RGS4: variants seen among roughly 807,000 people sequenced by gnomAD.
The protein encoded by RGS4 is schizophrenia disorder 9.
In RGS4, 15 loss-of-function variants were observed where a neutral mutation model predicts 21.6. That is an observed-to-expected ratio of 0.69 (90% CI 0.46 to 1.07). The LOEUF is 1.07. Among genes scored for constraint, RGS4 ranks in the 50% least tolerant of loss-of-function variants. RGS4 has a pLI of 0.00. For synonymous variants in RGS4, 94 were observed against 85.5 expected, an observed-to-expected ratio of 1.10 and a Z score of -0.55; for missense variants, 237 against 239.0, an observed-to-expected ratio of 0.99 and a Z score of 0.06.
chr1:163,073,691 A>C, intron 4 of RGS4, 69 bp downstream of exon 4: 1 of 989,946 alleles, frequency 1.0e-6, no homozygotes, highest in Non-Finnish European at 1.5e-6. Context: ...TGATACATGC[A>C]TACAATGTGA....
rs1655434187 is a variant in RGS4 at position 163,074,542 on chromosome 1, G to A, written c.600G>A (p.Leu200=). 6.2e-7 allele frequency: 1 copy of A among 1,613,764 alleles called. No homozygotes were observed. Among genetic ancestry groups the A allele is most frequent in the Admixed American group, 1.7e-5 (1 of 59,922 alleles). The change falls in exon 5 of 5, where the codon CTG becomes CTA. Residue 200 remains leucine, a synonymous_variant. Coordinates refer to ENST00000367909, the MANE Select transcript of RGS4 (RefSeq NM_005613.6). ...GAKSSADCAS[L]VPQCA is the part of the protein sequence containing the mutation. The stretch of plus-strand genomic sequence containing the variant: ...AGAGTTCAGCAGACTGTGCTTCCCT[G>A]GTCCCTCAGTGTGCCTAATTCTCAC...
At chr1:163,069,173 C>T, upstream of RGS4, 5 of 1,500,980 alleles carry the variant, frequency 3.3e-6, no homozygotes, top group South Asian at 6.7e-5. Context: ...TCCCATATCC[C>T]TACTTTTCAG....
Position 163,072,421 on chromosome 1 carries a change from G to A in RGS4, c.71G>A (p.Gly24Asp), listed in dbSNP as rs1353350910. The A allele has an allele frequency of 6.2e-7, 1 of 1,613,058 alleles. No individual in the cohort carries two copies. Among genetic ancestry groups the A allele is most frequent in the South Asian group, 1.1e-5 (1 of 91,062 alleles). Residue 24 changes from glycine to aspartate, a missense_variant, in exon 2 of 5, where the codon GGT (glycine) becomes GAT (aspartate). Gly to Asp is a moderately conservative substitution (Grantham distance 94). Coordinates refer to ENST00000367909, the MANE Select transcript of RGS4 (RefSeq NM_005613.6). The stretch of plus-strand genomic sequence containing the variant: ...GCAAAAGATATGAAACATCGGCTAG[G>A]TTTCCTGCTGCAAAAATCTGATTCC... The part of the protein sequence containing the change: ...RSAKDMKHRL[G>D]FLLQKSDSCE...
rs990630119 is a variant in RGS4, at chr1:163,074,441, C to T, written c.499C>T (p.Arg167Cys). The change falls in exon 5 of 5, where the codon CGC (arginine) becomes TGC (cysteine). Residue 167 changes from arginine to cysteine, a missense_variant. Arg to Cys is a radical substitution (Grantham distance 180, BLOSUM62 -3). Transcript: ENST00000367909. ...CCTGATGGAGAAGGATTCCTACCGCCGCTTCCTCAAGTCTCGATTCTATCT... is the reference window on the plus strand; with the variant it reads ...CCTGATGGAGAAGGATTCCTACCGCTGCTTCCTCAAGTCTCGATTCTATCT... ...FNLMEKDSYRRFLKSRFYLDL... is the reference protein window; with the variant it reads ...FNLMEKDSYRCFLKSRFYLDL... 7.4e-6 allele frequency: 12 copies of T among 1,613,794 alleles called. No individual in the cohort carries two copies. Among genetic ancestry groups the T allele is most frequent in the Middle Eastern group, 1.6e-4 (1 of 6,084 alleles).
At chr1:163,070,995 T>C (rs1655280857) in intron 1 of RGS4, among the ~76,000 whole-genome samples, 1 of 152,134 alleles carries the variant, frequency 6.6e-6, no homozygotes, top group African/African-American at 2.4e-5. Flanking sequence ...ATTTTGTTTT[T>C]TATTTTTATG....
chr1:163,071,509 T>C (rs1655298776), intron 1 of RGS4, among the ~76,000 whole-genome samples: 1 of 151,932 alleles, frequency 6.6e-6, no homozygotes, highest in South Asian at 2.1e-4. Flanking sequence ...AGTAAGAGAG[T>C]TGAGCTTAAG....
At chr1:163,070,384 T>G (rs1655261274) in intron 1 of RGS4, among the ~76,000 whole-genome samples, 1 of 152,102 alleles carries the variant, frequency 6.6e-6, no homozygotes, top group Non-Finnish European at 1.5e-5. Flanking sequence ...AGGTAAAAAG[T>G]CAACCTAAAG....
At chr1:163,072,104 T>C (rs1655336288) in intron 1 of RGS4, 1 of 1,096,666 alleles carries the variant, frequency 9.1e-7, no homozygotes, top group Admixed American at 4.8e-5. Context: ...ATTCGGTTGG[T>C]CAAAATGACG....
At position 163,073,494 on chromosome 1, in the gene RGS4, T is replaced by C. The variant is rs1315578836; in HGVS notation, c.250T>C (p.Tyr84His). 1 of 1,602,126 alleles carries C rather than the reference T, an allele frequency of 6.2e-7. No homozygotes were observed. The highest frequency in any genetic ancestry group is 8.5e-7 in the Non-Finnish European group (1 of 1,176,634). ...AAFKAFLKSE[Y>H]SEENIDFWIS... ...TTTCAAAGCTTTCTTGAAGTCTGAATATAGTGAGGAGAATATTGACTTCTG... is the reference window on the plus strand; with the variant it reads ...TTTCAAAGCTTTCTTGAAGTCTGAACATAGTGAGGAGAATATTGACTTCTG... Residue 84 changes from tyrosine to histidine, a missense_variant, in exon 4 of 5, where the codon TAT (tyrosine) becomes CAT (histidine). By Grantham distance (83) the Tyr-to-His change is moderately conservative. Transcript: ENST00000367909.
chr1:163,073,628 T>A lies in RGS4; in HGVS notation c.378+6T>A. 1 of 1,573,552 alleles carries A rather than the reference T, an allele frequency of 6.4e-7. No homozygotes were observed. The highest frequency in any genetic ancestry group is 8.6e-7 in the Non-Finnish European group (1 of 1,163,636). On this transcript the variant is annotated splice_donor_region_variant and intron_variant, in intron 4 of 4. Coordinates refer to ENST00000367909, the MANE Select transcript of RGS4 (RefSeq NM_005613.6). Reference sequence around the variant, plus strand: ...CAGTCCAGGCAACCAAAGAGGTAGGTTTTTTATGGATACATAAAAATTGTA... The same window carrying A: ...CAGTCCAGGCAACCAAAGAGGTAGGATTTTTATGGATACATAAAAATTGTA...
Position 163,074,555 on chromosome 1 carries a change from G to T in RGS4, c.613G>T (p.Ala205Ser). 6.2e-7 allele frequency: 1 copy of T among 1,613,896 alleles called. No individual in the cohort carries two copies. The highest frequency in any genetic ancestry group is 8.5e-7 in the Non-Finnish European group (1 of 1,179,898). Residue 205 changes from alanine to serine, a missense_variant, in exon 5 of 5, where the codon GCC (alanine) becomes TCC (serine). Ala to Ser is a moderately conservative substitution (Grantham distance 99). Coordinates refer to ENST00000367909, the MANE Select transcript of RGS4 (RefSeq NM_005613.6). ...ADCASLVPQCA is the reference protein window; with the variant it reads ...ADCASLVPQCS Reference sequence around the variant, plus strand: ...CTGTGCTTCCCTGGTCCCTCAGTGTGCCTAATTCTCACCTGAAGGCAGAGG... The same window carrying T: ...CTGTGCTTCCCTGGTCCCTCAGTGTTCCTAATTCTCACCTGAAGGCAGAGG...
intron 4 of RGS4, 176 bp from the exon 5 acceptor site, chr1:163,074,145 C>A: frequency 5.6e-6 from 4 of 719,402 alleles, no homozygotes; most frequent in Non-Finnish European, 7.0e-6. Flanking sequence ...CAGAAAGGTT[C>A]ATTCTGAACC....
In RGS4 at chr1:163,073,632, T is replaced by G. The variant is rs1421194127; in HGVS notation, c.378+10T>G. The G allele has an allele frequency of 1.3e-5, 21 of 1,564,666 alleles. No homozygotes were observed. The highest frequency in any genetic ancestry group is 1.8e-5 in the Non-Finnish European group (21 of 1,157,030). On this transcript the variant is annotated intron_variant, in intron 4 of 4. Transcript: ENST00000367909. Reference sequence around the variant, plus strand: ...CCAGGCAACCAAAGAGGTAGGTTTTTTATGGATACATAAAAATTGTACGTA... The same window carrying G: ...CCAGGCAACCAAAGAGGTAGGTTTTGTATGGATACATAAAAATTGTACGTA...
intron 1 of RGS4, chr1:163,070,863 T>G (rs1455277913): frequency 6.6e-6 from 1 of 152,144 alleles, no homozygotes; most frequent in Non-Finnish European, 1.5e-5. Flanking sequence ...AATCATCTAG[T>G]CCAACATCTT....
chr1:163,069,645 G>A (rs1030152327), intron 1 of RGS4, 117 bp downstream of exon 1: 2 of 825,852 alleles, frequency 2.4e-6, no homozygotes, highest in African/African-American at 1.7e-5. Context: ...GGTCAGGAGA[G>A]CACGACTTTC....
rs1655443090 is a variant in RGS4, at chr1:163,074,780, A to G, written c.*220A>G. 4 of 680,084 alleles carry G rather than the reference A, an allele frequency of 5.9e-6. No homozygotes were observed. Among genetic ancestry groups the G allele is most frequent in the Middle Eastern group, 3.3e-4 (1 of 3,040 alleles). The allele number at this position is 680,084 out of a possible 1,614,324, so 42.1% of individuals were successfully genotyped here. ...GACCCCATTCCAGTCCAATTTTCCT[A>G]AGTTTCTTTGAGGGTTCCATGGGAG... On this transcript the variant is annotated 3_prime_UTR_variant, in exon 5 of 5. Transcript: ENST00000367909.
At position 163,072,467 on chromosome 1, in the gene RGS4, C is replaced by T; in HGVS notation, c.117C>T (p.His39=). The T allele has an allele frequency of 6.2e-7, 1 of 1,612,980 alleles. No individual in the cohort carries two copies. Among genetic ancestry groups the T allele is most frequent in the Non-Finnish European group, 8.5e-7 (1 of 1,179,298 alleles). ...ATTCCTGTGAACACAATTCTTCCCACAACAAGAAGGACAAAGTGGTTATTT... is the reference window on the plus strand; with the variant it reads ...ATTCCTGTGAACACAATTCTTCCCATAACAAGAAGGACAAAGTGGTTATTT... ...KSDSCEHNSS[H]NKKDKVVICQ... The change falls in exon 2 of 5, where the codon CAC becomes CAT. Residue 39 remains histidine, a synonymous_variant. Transcript: ENST00000367909.
rs1417248242 is a variant in RGS4, at chr1:163,071,133, A to G, written c.45-1262A>G. Among the ~76,000 whole-genome samples the G allele has an allele frequency of 2.0e-5, 3 of 152,166 alleles. No individual in the cohort carries two copies. In the East Asian group the frequency reaches 5.8e-4, roughly 29 times the overall value. On this transcript the variant is annotated intron_variant, in intron 1 of 4. Coordinates refer to ENST00000367909, the MANE Select transcript of RGS4 (RefSeq NM_005613.6). The stretch of plus-strand genomic sequence containing the variant: ...TATTTGGACTTCATGATATATTTAC[A>G]TTATCACCTTGGAATCACCCTAACA...
intron 1 of RGS4, among the ~76,000 whole-genome samples, chr1:163,070,022 C>T (rs10917672): frequency 0.068 from 10,376 of 152,176 alleles, 408 homozygotes; most frequent in African/African-American, 0.099. Context: ...CTTTCACTCT[C>T]TATGTTCTTA....
Sources: allele counts gnomAD v4.1 joint callset (sites outside exome capture counted in the v4.1 genomes callset), GRCh38; gene constraint gnomAD v4.1.1; transcripts MANE v1.5; gene names NCBI Gene and HGNC (gene_info 2026-07-23, HGNC 2026-07-21).